CTNNA2: variants seen among roughly 807,000 people sequenced by gnomAD.
CTNNA2 encodes catenin alpha-2.
Under a neutral mutation model 101.0 loss-of-function variants are expected in CTNNA2, and 42 were observed. That is an observed-to-expected ratio of 0.42 (90% CI 0.32 to 0.54). CTNNA2 has a LOEUF of 0.54. Ranked by LOEUF, CTNNA2 falls within the 20% of genes least tolerant of loss-of-function variation. The pLI, the probability that CTNNA2 is intolerant of heterozygous loss-of-function variation, is 0.14. For missense variants in CTNNA2, 871 were observed against 1,223.1 expected (o/e 0.71, Z 4.29); for synonymous variants, 450 against 456.4 (o/e 0.99, Z 0.18).
At chr2:80,267,240 G>GTGGT (rs1418916230) in intron 7 of CTNNA2, among the ~76,000 whole-genome samples, 2 of 152,218 alleles carry the variant, frequency 1.3e-5, no homozygotes, top group African/African-American at 4.8e-5. Context: ...TACAGTGTAT[G>GTGGT]TGGTGGTGAA....
At chr2:80,608,364 C>T (rs781619124) in intron 17 of CTNNA2, 46 bp downstream of exon 17, 6 of 1,573,828 alleles carry the variant, frequency 3.8e-6, no homozygotes, top group Admixed American at 1.7e-5. Flanking sequence ...CACCGTTGCA[C>T]TTCCAAGGCA....
At chr2:79,293,619 G>A (rs1216932411) in intron 2 of CTNNA2, among the ~76,000 whole-genome samples, 5 of 152,068 alleles carry the variant, frequency 3.3e-5, no homozygotes, top group Admixed American at 2.0e-4. Context: ...GCTGAGGGTA[G>A]GTCAAAAGCT....
chr2:79,967,961 T>C (rs1192117079), intron 7 of CTNNA2, among the ~76,000 whole-genome samples: 3 of 152,212 alleles, frequency 2.0e-5, no homozygotes, highest in African/African-American at 7.2e-5. Flanking sequence ...CAAATGGTTA[T>C]ATATTGCATG....
In CTNNA2 at chr2:80,223,882, C is replaced by T. The variant is rs375584428; in HGVS notation, c.1057-169329C>T. ...TCCTTGGTGTTGTAGTTTGCCAGGT[C>T]CAAGGTAATCATACTGTTTAGATAC... On this transcript the variant is annotated intron_variant, in intron 7 of 18. Transcript: ENST00000402739. Among the ~76,000 whole-genome samples the T allele has an allele frequency of 4.6e-5, 7 of 152,204 alleles. No homozygotes were observed. In the South Asian group the frequency reaches 1.5e-3, roughly 32 times the overall value.
intron 9 of CTNNA2, among the ~76,000 whole-genome samples, chr2:80,457,188 C>T (rs559943924): frequency 6.6e-6 from 1 of 151,966 alleles, no homozygotes; most frequent in South Asian, 2.1e-4. Flanking sequence ...CTCAGCCTCC[C>T]GAGTAGCTGG....
intron 2 of CTNNA2, among the ~76,000 whole-genome samples, chr2:79,713,048 G>T (rs1385039599): frequency 6.6e-6 from 1 of 152,054 alleles, no homozygotes; most frequent in Non-Finnish European, 1.5e-5. Flanking sequence ...TATCCAACCT[G>T]GGCTTTCTTT....
chr2:79,856,606 C>T (rs919766162), intron 3 of CTNNA2, among the ~76,000 whole-genome samples: 1 of 152,212 alleles, frequency 6.6e-6, no homozygotes. Flanking sequence ...ACAGTTTTCA[C>T]TCCCCAAAGT....
intron 1 of CTNNA2, among the ~76,000 whole-genome samples, chr2:79,638,399 G>C (rs1385965373): frequency 5.3e-5 from 8 of 152,156 alleles, no homozygotes; most frequent in Non-Finnish European, 1.5e-5. Context: ...TGTATCAAAA[G>C]CTTAATAAGA....
intron 7 of CTNNA2, among the ~76,000 whole-genome samples, chr2:80,089,752 G>A (rs1699668484): frequency 6.6e-6 from 1 of 151,904 alleles, no homozygotes; most frequent in Non-Finnish European, 1.5e-5. Flanking sequence ...TTTCTCATCA[G>A]ACCTTGCTTT....
chr2:79,733,643 T>A (rs1294356708), intron 2 of CTNNA2, among the ~76,000 whole-genome samples: 2 of 152,216 alleles, frequency 1.3e-5, no homozygotes, highest in Middle Eastern at 3.4e-3. Context: ...ACATGTGACA[T>A]GTGACCATCT....
intron 12 of CTNNA2, among the ~76,000 whole-genome samples, chr2:80,558,078 A>C (rs191099426): frequency 4.6e-5 from 7 of 152,186 alleles, no homozygotes; most frequent in Non-Finnish European, 7.3e-5. Context: ...GATTTATTGA[A>C]GTTAACTAGG....
chr2:79,882,838 T>G (rs1683549659), intron 6 of CTNNA2, among the ~76,000 whole-genome samples: 1 of 152,184 alleles, frequency 6.6e-6, no homozygotes, highest in Admixed American at 6.5e-5. Context: ...AGCATGGGTT[T>G]GCAAGTGGCG....
At chr2:80,062,462 T>A (rs1010825207) in intron 7 of CTNNA2, among the ~76,000 whole-genome samples, 1 of 152,208 alleles carries the variant, frequency 6.6e-6, no homozygotes, top group Non-Finnish European at 1.5e-5. Flanking sequence ...ATTTAGCCAG[T>A]CTTTTTGCAA....
intron 2 of CTNNA2, among the ~76,000 whole-genome samples, chr2:79,210,940 A>G (rs1674164536): frequency 6.6e-6 from 1 of 152,104 alleles, no homozygotes; most frequent in Non-Finnish European, 1.5e-5. Context: ...GGAAAAATGA[A>G]GTACTGTAGC....
chr2:80,055,404 A>G (rs1471391870), intron 7 of CTNNA2, among the ~76,000 whole-genome samples: 1 of 152,068 alleles, frequency 6.6e-6, no homozygotes, highest in Non-Finnish European at 1.5e-5. Flanking sequence ...TCAACTCTTC[A>G]GTTTCTAATC....
At chr2:79,484,079 T>TA (rs1671134730) in intron 4 of CTNNA2, among the ~76,000 whole-genome samples, 1 of 151,698 alleles carries the variant, frequency 6.6e-6, no homozygotes, top group South Asian at 2.1e-4. Flanking sequence ...CCTATCTCTA[T>TA]AAAAAATACA....
chr2:79,237,872 T>C (rs1438287471), intron 2 of CTNNA2, among the ~76,000 whole-genome samples: 3 of 152,240 alleles, frequency 2.0e-5, no homozygotes, highest in African/African-American at 7.2e-5. Context: ...TACGGGAATG[T>C]TGTGGCTTGT....
chr2:79,941,549 T>C (rs1434283803), intron 7 of CTNNA2, among the ~76,000 whole-genome samples: 1 of 152,210 alleles, frequency 6.6e-6, no homozygotes, highest in Admixed American at 6.5e-5. Flanking sequence ...TTTCTATAGG[T>C]GGGCTAGCAG....
chr2:79,298,221 T>C (rs1676027728), intron 2 of CTNNA2, among the ~76,000 whole-genome samples: 1 of 152,136 alleles, frequency 6.6e-6, no homozygotes. Flanking sequence ...GGTGCAGTCA[T>C]GTCAAATGGA....
Sources: allele counts gnomAD v4.1 joint callset (sites outside exome capture counted in the v4.1 genomes callset), GRCh38; gene constraint gnomAD v4.1.1; transcripts MANE v1.5; gene names NCBI Gene and HGNC (gene_info 2026-07-23, HGNC 2026-07-21).